The following CATSPERZ variants were observed in gnomAD, a reference collection of about 807,000 sequenced individuals.
CATSPERZ encodes catsper channel auxiliary subunit zeta.
A neutral mutation model predicts 21.7 loss-of-function variants in CATSPERZ; 21 were observed. The observed-to-expected ratio is 0.97, with a 90% confidence interval of 0.69 to 1.39. The LOEUF is 1.39. Among genes scored for constraint, CATSPERZ ranks in the 40% most tolerant of loss-of-function variants. The probability of loss-of-function intolerance (pLI) is 0.00; values close to 1 mark genes in which losing one functional copy is unlikely to be tolerated. For synonymous variants in CATSPERZ, 127 were observed against 108.7 expected (o/e 1.17, Z -1.05); for missense variants, 234 against 259.5 (o/e 0.90, Z 0.68).
Position 64,300,988 on chromosome 11 carries a change from G to A in CATSPERZ, c.352+1G>A, listed in dbSNP as rs112882340. 1 of 1,534,646 alleles carries A rather than the reference G, an allele frequency of 6.5e-7. No individual in the cohort carries two copies. The highest frequency in any genetic ancestry group is 1.2e-5 in the South Asian group (1 of 81,078). ...GACACTGCATCCCAGATCGAGGCCGGTCAGTGTGGCCTCGCCAGGCCGTGG... is the reference window on the plus strand; with the variant it reads ...GACACTGCATCCCAGATCGAGGCCGATCAGTGTGGCCTCGCCAGGCCGTGG... On this transcript the variant is annotated splice_donor_variant, in intron 2 of 4. Coordinates refer to ENST00000328404, the MANE Select transcript of CATSPERZ (RefSeq NM_001039496.2). LOFTEE classifies it high-confidence loss of function.
Position 64,300,896 on chromosome 11 carries a change from C to T in CATSPERZ, c.261C>T (p.Asp87=), listed in dbSNP as rs1270703635. 1.3e-6 allele frequency: 2 copies of T among 1,575,262 alleles called. No individual in the cohort carries two copies. Among genetic ancestry groups the T allele is most frequent in the Non-Finnish European group, 8.6e-7 (1 of 1,161,518 alleles). Residue 87 remains aspartate, a synonymous_variant, in exon 2 of 5, where the codon GAC becomes GAT. Transcript: ENST00000328404. ...YKASHKPEEL[D]EHALVELELH... is the part of the protein sequence containing the mutation. ...CCAGCCACAAGCCGGAGGAACTGGACGAGCACGCGCTGGTGGAGCTGGAGT... is the reference window on the plus strand; with the variant it reads ...CCAGCCACAAGCCGGAGGAACTGGATGAGCACGCGCTGGTGGAGCTGGAGT...
chr11:64,300,781 G>C lies in CATSPERZ; in HGVS notation c.146G>C (p.Cys49Ser). 1 of 1,555,202 alleles carries C rather than the reference G, an allele frequency of 6.4e-7. No homozygotes were observed. The highest frequency in any genetic ancestry group is 8.7e-7 in the Non-Finnish European group (1 of 1,149,842). ...CTGAACATGCCGCTGTCCGAGGTCT[G>C]CGAGGGCTTCGACGAGGAGGGCCGC... ...AQLNMPLSEV[C>S]EGFDEEGRNI... Residue 49 changes from cysteine to serine, a missense_variant, in exon 2 of 5, where the codon TGC becomes TCC. Transcript: ENST00000328404.
chr11:64,303,710 G>A (rs2034965871), intron 3 of CATSPERZ, 63 bp from the exon 4 acceptor site: 10 of 1,535,172 alleles, frequency 6.5e-6, no homozygotes, highest in Middle Eastern at 1.7e-4. Flanking sequence ...AGGAGGTGGG[G>A]GCATTTCAGC....
intron 3 of CATSPERZ, 83 bp from the exon 4 acceptor site, chr11:64,303,690 G>A: frequency 6.6e-7 from 1 of 1,510,036 alleles, no homozygotes; most frequent in Non-Finnish European, 9.0e-7. Flanking sequence ...GGGGTTTGGG[G>A]GCCACAGGGA....
Position 64,300,967 on chromosome 11 carries a change from C to G in CATSPERZ, c.332C>G (p.Thr111Ser). Residue 111 changes from threonine to serine, a missense_variant, in exon 2 of 5, where the codon ACT (threonine) becomes AGT (serine). Thr to Ser is a moderately conservative substitution (Grantham distance 58). Transcript: ENST00000328404. ...SMEINLGEKD[T>S]ASQIEAEKSS... Reference sequence around the variant, plus strand: ...GAAATCAATCTGGGGGAGAAGGACACTGCATCCCAGATCGAGGCCGGTCAG... The same window carrying G: ...GAAATCAATCTGGGGGAGAAGGACAGTGCATCCCAGATCGAGGCCGGTCAG... 1 of 1,561,538 alleles carries G rather than the reference C, an allele frequency of 6.4e-7. No individual in the cohort carries two copies. Among genetic ancestry groups the G allele is most frequent in the Non-Finnish European group, 8.7e-7 (1 of 1,151,952 alleles).
intron 2 of CATSPERZ, among the ~76,000 whole-genome samples, chr11:64,302,266 ATTT>A (rs1180119679): frequency 5.3e-5 from 8 of 152,024 alleles, no homozygotes; most frequent in African/African-American, 1.9e-4. Context: ...AGAGCTATTT[ATTT>A]TTTATTTATT....
In CATSPERZ at chr11:64,303,464, T is replaced by A. The variant is rs758199051; in HGVS notation, c.353-18T>A. On this transcript the variant is annotated intron_variant, in intron 2 of 4. Coordinates refer to ENST00000328404, the MANE Select transcript of CATSPERZ (RefSeq NM_001039496.2). ...CCAGGAGTCTGCGGATGACTAACCC[T>A]TTTTTCTCTTCTCCCAGAAAAGTCT... is the stretch of plus-strand genomic sequence containing the variant. 4.4e-6 allele frequency: 7 copies of A among 1,605,946 alleles called. No homozygotes were observed. Among genetic ancestry groups the A allele is most frequent in the East Asian group, 2.2e-5 (1 of 44,698 alleles).
chr11:64,300,433 TAAGA>T lies in CATSPERZ; in HGVS notation c.21+3_21+6del. On this transcript the variant is annotated splice_donor_5th_base_variant and intron_variant, in intron 1 of 4. Coordinates refer to ENST00000328404, the MANE Select transcript of CATSPERZ (RefSeq NM_001039496.2). ...ACCATGGAGGAAAAGCCTTCGAAAG[TAAGA>T]CGTCTCCCTAGGCCCCTTACCCTGT... 1 of 1,498,326 alleles carries T rather than the reference TAAGA, an allele frequency of 6.7e-7. No homozygotes were observed. Among genetic ancestry groups the T allele is most frequent in the African/African-American group, 1.4e-5 (1 of 72,112 alleles). The allele number at this position is 1,498,326 out of a possible 1,614,324, so 92.8% of individuals were successfully genotyped here.
At chr11:64,303,194 C>T (rs192813671) in intron 2 of CATSPERZ, among the ~76,000 whole-genome samples, 8 of 152,114 alleles carry the variant, frequency 5.3e-5, no homozygotes, top group African/African-American at 1.4e-4. Flanking sequence ...CCACCGTGCC[C>T]GGCCAAGAGC....
rs1183996254 is a variant in CATSPERZ at position 64,300,661 on chromosome 11, C to A, written c.26C>A (p.Ser9Ter). The A allele has an allele frequency of 2.6e-6, 4 of 1,533,544 alleles. No individual in the cohort carries two copies. The East Asian group carries it at 7.4e-5, about 28-fold the overall frequency. The allele number at this position is 1,533,544 out of a possible 1,614,324, so 95.0% of individuals were successfully genotyped here. A position where few individuals can be genotyped will look rare whatever the true frequency, so the allele number is the denominator to read the frequency against. ...CTCCTTGTATGTGGCCCACAGGTGT[C>A]GCTCAAGTCTTCCGACCGCCAAGGC... MEEKPSKV[S>*]LKSSDRQGSD... is the part of the protein sequence containing the mutation. The change falls in exon 2 of 5, where the codon TCG (serine) becomes TAG (stop). Residue 9 changes from serine to a stop codon, truncating the protein, a stop_gained. Coordinates refer to ENST00000328404, the MANE Select transcript of CATSPERZ (RefSeq NM_001039496.2). LOFTEE classifies it high-confidence loss of function.
chr11:64,300,797 G>A lies in CATSPERZ; in HGVS notation c.162G>A (p.Glu54=). ...PLSEVCEGFD[E]EGRNISKTRG... Reference sequence around the variant, plus strand: ...CCGAGGTCTGCGAGGGCTTCGACGAGGAGGGCCGCAACATTAGCAAGACCC... The same window carrying A: ...CCGAGGTCTGCGAGGGCTTCGACGAAGAGGGCCGCAACATTAGCAAGACCC... The change falls in exon 2 of 5, where the codon GAG becomes GAA. Residue 54 remains glutamate, a synonymous_variant. Coordinates refer to ENST00000328404, the MANE Select transcript of CATSPERZ (RefSeq NM_001039496.2). 6.4e-7 allele frequency: 1 copy of A among 1,557,680 alleles called. No individual in the cohort carries two copies. Among genetic ancestry groups the A allele is most frequent in the Non-Finnish European group, 8.7e-7 (1 of 1,151,376 alleles).
At chr11:64,304,490 G>C in intron 4 of CATSPERZ, 53 bp from the exon 5 acceptor site, 1 of 1,424,336 alleles carries the variant, frequency 7.0e-7, no homozygotes, top group Non-Finnish European at 9.6e-7. Context: ...CCCCCTGGTG[G>C]GGAGACCTTT....
intron 4 of CATSPERZ, among the ~76,000 whole-genome samples, 156 bp downstream of exon 4, chr11:64,303,995 C>A (rs2034973079): frequency 6.6e-6 from 1 of 152,156 alleles, no homozygotes; most frequent in Non-Finnish European, 1.5e-5. Context: ...AAGTTAAAAG[C>A]TGAGGGACTG....
In CATSPERZ at chr11:64,301,036, G is replaced by A. The variant is rs986535550; in HGVS notation, c.352+49G>A. 2.8e-6 allele frequency: 4 copies of A among 1,436,168 alleles called. No individual in the cohort carries two copies. The South Asian group carries it at 5.6e-5, about 20-fold the overall frequency. The allele number at this position is 1,436,168 out of a possible 1,614,324, so 89.0% of individuals were successfully genotyped here. ...TGGGCACCCGCAGGGCAATAAGCTG[G>A]CCAGGGACTCAATTTCTGGAGCTGT... is the stretch of plus-strand genomic sequence containing the variant. On this transcript the variant is annotated intron_variant, in intron 2 of 4. Transcript: ENST00000328404.
In CATSPERZ at chr11:64,300,717, C is replaced by T. The variant is rs773186327; in HGVS notation, c.82C>T (p.Arg28Trp). 5.8e-6 allele frequency: 9 copies of T among 1,550,920 alleles called. No homozygotes were observed. Among genetic ancestry groups the T allele is most frequent in the Middle Eastern group, 1.7e-4 (1 of 5,958 alleles). Residue 28 changes from arginine (R) to tryptophan (W), a missense_variant, in exon 2 of 5, where the codon CGG becomes TGG. By Grantham distance (101) the Arg-to-Trp change is moderately radical. Transcript: ENST00000328404. ...SDEESVHSDTRDLWTTTTLSQ... is the reference protein window; with the variant it reads ...SDEESVHSDTWDLWTTTTLSQ... ...CGAGGAGAGCGTGCATAGCGACACT[C>T]GGGACCTGTGGACCACGACCACGCT...
In CATSPERZ at chr11:64,300,883, C is replaced by A; in HGVS notation, c.248C>A (p.Pro83Gln). ...LDEGYKASHK[P>Q]EELDEHALVE... ...GAGGGGTACAAGGCCAGCCACAAGC[C>A]GGAGGAACTGGACGAGCACGCGCTG... The change falls in exon 2 of 5, where the codon CCG becomes CAG. Residue 83 changes from proline (P) to glutamine (Q), a missense_variant. Physicochemically the swap from Pro to Gln is moderately conservative, Grantham distance 76. Coordinates refer to ENST00000328404, the MANE Select transcript of CATSPERZ (RefSeq NM_001039496.2). 6.4e-7 allele frequency: 1 copy of A among 1,569,950 alleles called. No individual in the cohort carries two copies. The highest frequency in any genetic ancestry group is 8.6e-7 in the Non-Finnish European group (1 of 1,158,700).
intron 2 of CATSPERZ, among the ~76,000 whole-genome samples, chr11:64,301,809 G>A (rs1344033720): frequency 6.6e-6 from 1 of 151,996 alleles, no homozygotes; most frequent in Non-Finnish European, 1.5e-5. Flanking sequence ...CCCGAGCTGG[G>A]AGGACAGGCC....
In CATSPERZ at chr11:64,303,463, C is replaced by A; in HGVS notation, c.353-19C>A. The A allele has an allele frequency of 6.2e-7, 1 of 1,606,316 alleles. No individual in the cohort carries two copies. On this transcript the variant is annotated intron_variant, in intron 2 of 4. Coordinates refer to ENST00000328404, the MANE Select transcript of CATSPERZ (RefSeq NM_001039496.2). ...CCCAGGAGTCTGCGGATGACTAACC[C>A]TTTTTTCTCTTCTCCCAGAAAAGTC...
At chr11:64,301,135 C>A in intron 2 of CATSPERZ, 148 bp downstream of exon 2, 1 of 853,998 alleles carries the variant, frequency 1.2e-6, no homozygotes. Context: ...ATCTTTCGCC[C>A]TTTAAATCCG....
Sources: gnomAD v4.1 joint callset for allele counts (sites outside exome capture counted in the v4.1 genomes callset) on GRCh38, gnomAD v4.1.1 for gene constraint, MANE v1.5 for transcripts, NCBI Gene and HGNC (gene_info 2026-07-23, HGNC 2026-07-21) for gene names.